The following EIF4G3 variants were observed in gnomAD, a reference collection of about 807,000 sequenced individuals.
EIF4G3 encodes the protein eukaryotic translation initiation factor 4 gamma 3, also known as eIF-4-gamma 3.
In EIF4G3, 34 loss-of-function variants were observed where a neutral mutation model predicts 186.4. The ratio of observed to expected loss-of-function variants is 0.18; its 90% CI spans 0.14 to 0.24. EIF4G3 has a LOEUF of 0.24. Among genes scored for constraint, EIF4G3 ranks in the 10% least tolerant of loss-of-function variants. The pLI is 1.00. For synonymous variants in EIF4G3, 673 were observed against 679.5 expected (o/e 0.99, Z 0.15); for missense variants, 1,536 against 1,948.5 (o/e 0.79, Z 3.99).
intron 2 of EIF4G3, among the ~76,000 whole-genome samples, chr1:21,130,264 GC>G (rs2097129935): frequency 8.1e-6 from 1 of 123,904 alleles, no homozygotes; most frequent in Admixed American, 1.1e-4. Context: ...TCGCTCTGTC[GC>G]CCAGGCTAGG....
intron 34 of EIF4G3, among the ~76,000 whole-genome samples, chr1:20,813,773 G>A (rs1456355059): frequency 6.6e-6 from 1 of 151,600 alleles, no homozygotes; most frequent in Non-Finnish European, 1.5e-5. Flanking sequence ...TTGAACCTGG[G>A]AGGTGGAGGC....
chr1:21,041,881 T>G (rs2093602936), intron 4 of EIF4G3, among the ~76,000 whole-genome samples: 1 of 152,132 alleles, frequency 6.6e-6, no homozygotes, highest in Non-Finnish European at 1.5e-5. Context: ...CGTGTTACAT[T>G]ATAAGCATGA....
At chr1:20,856,416 T>C (rs2074918782) in intron 25 of EIF4G3, among the ~76,000 whole-genome samples, 2 of 152,228 alleles carry the variant, frequency 1.3e-5, no homozygotes, top group African/African-American at 4.8e-5. Flanking sequence ...AGGATCAAAC[T>C]AGACTTGCAA....
rs186161843 is a variant in EIF4G3, at chr1:20,934,430, A to C, written c.1663+7061T>G. On this transcript the variant is annotated intron_variant, in intron 14 of 36. Transcript: ENST00000602326. ...GGTGGTAGAGAGGCAGTGAATACATACGAGACTGTAAGAGACAACTAAGAG... is the reference window on the plus strand; with the variant it reads ...GGTGGTAGAGAGGCAGTGAATACATCCGAGACTGTAAGAGACAACTAAGAG... Among the ~76,000 whole-genome samples, 3 of 152,254 alleles carry C rather than the reference A, an allele frequency of 2.0e-5. No individual in the cohort carries two copies. In the East Asian group the frequency reaches 5.8e-4, roughly 29 times the overall value.
chr1:21,021,981 A>G (rs539161942), intron 4 of EIF4G3, among the ~76,000 whole-genome samples: 28 of 152,354 alleles, frequency 1.8e-4, no homozygotes, highest in African/African-American at 6.0e-4. Context: ...AAATCCAGCA[A>G]ATACGTAAAT....
chr1:21,105,514 C>T (rs567055254), intron 2 of EIF4G3, among the ~76,000 whole-genome samples: 3 of 143,342 alleles, frequency 2.1e-5, no homozygotes, highest in Non-Finnish European at 3.1e-5. Context: ...TGCATATATA[C>T]CCCTGAACCT....
At chr1:20,814,750 TCCCCCTCCCCCTCC>T (rs1487056296) in intron 34 of EIF4G3, among the ~76,000 whole-genome samples, 1 of 20,500 alleles carries the variant, frequency 4.9e-5, no homozygotes, top group Non-Finnish European at 1.1e-4. Flanking sequence ...AAAATTCATC[TCCCCCTCCCCCTCC>T]CCCTCCCCCT....
chr1:20,958,988 C>T (rs2096505215), intron 12 of EIF4G3, among the ~76,000 whole-genome samples: 1 of 151,964 alleles, frequency 6.6e-6, no homozygotes, highest in Non-Finnish European at 1.5e-5. Context: ...AAGCAATCTA[C>T]AGATTCAATG....
At chr1:20,979,093 A>T (rs2077446753) in intron 10 of EIF4G3, among the ~76,000 whole-genome samples, 1 of 152,226 alleles carries the variant, frequency 6.6e-6, no homozygotes, top group Non-Finnish European at 1.5e-5. Context: ...CTCAAAACTT[A>T]ATTTTTCTAG....
intron 3 of EIF4G3, among the ~76,000 whole-genome samples, chr1:21,060,042 C>A (rs2094805613): frequency 6.6e-6 from 1 of 152,228 alleles, no homozygotes; most frequent in Non-Finnish European, 1.5e-5. Context: ...CCACCTACCT[C>A]CCAGGCTCAA....
chr1:21,016,270 CCAAA>C (rs1213697307), intron 4 of EIF4G3, among the ~76,000 whole-genome samples: 9 of 152,072 alleles, frequency 5.9e-5, no homozygotes, highest in Admixed American at 3.9e-4. Context: ...GATAATCATC[CCAAA>C]CAAATTCTGT....
chr1:20,825,733 C>A (rs1005074146), intron 32 of EIF4G3, among the ~76,000 whole-genome samples: 4 of 152,192 alleles, frequency 2.6e-5, no homozygotes, highest in African/African-American at 9.7e-5. Context: ...TTCAAGAAGC[C>A]TCACTAGAAT....
intron 3 of EIF4G3, among the ~76,000 whole-genome samples, chr1:21,072,951 C>A (rs1450256870): frequency 1.3e-5 from 2 of 152,232 alleles, no homozygotes; most frequent in East Asian, 3.9e-4. Context: ...TCTTAAGAAC[C>A]TTTGGAGATC....
chr1:20,877,161 T>C (rs1255908543), intron 20 of EIF4G3, among the ~76,000 whole-genome samples: 1 of 152,190 alleles, frequency 6.6e-6, no homozygotes, highest in Non-Finnish European at 1.5e-5. Flanking sequence ...TAACTGCCTA[T>C]CTGATAAAAT....
At chr1:20,819,050 C>T (rs2061683076) in intron 33 of EIF4G3, among the ~76,000 whole-genome samples, 1 of 152,136 alleles carries the variant, frequency 6.6e-6, no homozygotes, top group Admixed American at 6.5e-5. Context: ...CTACAGTGTG[C>T]ACCACTGCAC....
intron 14 of EIF4G3, among the ~76,000 whole-genome samples, chr1:20,915,624 A>G (rs774640132): frequency 3.9e-5 from 6 of 152,236 alleles, no homozygotes; most frequent in Non-Finnish European, 8.8e-5. Context: ...AAAAAACCAT[A>G]TGATTTACTA....
At chr1:20,881,657 C>T (rs928482408) in intron 19 of EIF4G3, among the ~76,000 whole-genome samples, 5 of 151,532 alleles carry the variant, frequency 3.3e-5, no homozygotes, top group Admixed American at 6.6e-5. Context: ...CACGGTGGCA[C>T]GCACCTGTAG....
At chr1:20,917,533 TATGCTTTCATTTACGTAAGATTTCTAAA>T (rs1364424277) in intron 14 of EIF4G3, among the ~76,000 whole-genome samples, 4 of 152,136 alleles carry the variant, frequency 2.6e-5, no homozygotes, top group Non-Finnish European at 5.9e-5. Context: ...AAAAACAGTT[TATGCTTTCATTTACGTAAGATTTCTAAA>T]ATGCAAACTA....
chr1:20,883,242 A>G (rs1161347401), intron 19 of EIF4G3, among the ~76,000 whole-genome samples: 1 of 152,222 alleles, frequency 6.6e-6, no homozygotes, highest in Non-Finnish European at 1.5e-5. Flanking sequence ...TAAAGCAAGT[A>G]CTAGGGTTGA....
Sources: allele counts gnomAD v4.1 joint callset (sites outside exome capture counted in the v4.1 genomes callset), GRCh38; gene constraint gnomAD v4.1.1; transcripts MANE v1.5; gene names NCBI Gene and HGNC (gene_info 2026-07-23, HGNC 2026-07-21).